BLNK: variants seen among roughly 807,000 people sequenced by gnomAD.
BLNK encodes B-cell linker protein.
In BLNK, 29 loss-of-function variants were observed where a neutral mutation model predicts 73.5. That is an observed-to-expected ratio of 0.39 (90% CI 0.29 to 0.54). The LOEUF is 0.54. Among genes scored for constraint, BLNK ranks in the 20% least tolerant of loss-of-function variants. The pLI is 0.61. For synonymous variants in BLNK, 176 were observed against 200.8 expected (o/e 0.88, Z 1.04); for missense variants, 460 against 562.8 (o/e 0.82, Z 1.85).
intron 6 of BLNK, among the ~76,000 whole-genome samples, chr10:96,221,868 G>A (rs1347490991): frequency 6.6e-6 from 1 of 152,078 alleles, no homozygotes; most frequent in Non-Finnish European, 1.5e-5. Flanking sequence ...GTGTGTGCAG[G>A]GTGAGGGTGT....
At chr10:96,201,456 G>A (rs903378134) in intron 13 of BLNK, among the ~76,000 whole-genome samples, 12 of 152,040 alleles carry the variant, frequency 7.9e-5, no homozygotes, top group African/African-American at 2.9e-4. Context: ...GGAAAATATA[G>A]TTATTTTTCA....
rs2083299949 is a variant in BLNK at position 96,189,741 on chromosome 10, A to G, written c.*2232T>C. On this transcript the variant is annotated 3_prime_UTR_variant, in exon 17 of 17. Transcript: ENST00000224337. Reference sequence around the variant, plus strand: ...CATCATCATCATCATCATCTTCATCAGCAGCAAGTTTTACTTTTATTCTCT... The same window carrying G: ...CATCATCATCATCATCATCTTCATCGGCAGCAAGTTTTACTTTTATTCTCT... 5.5e-6 allele frequency: 4 copies of G among 728,568 alleles called. No homozygotes were observed. In the African/African-American group the frequency reaches 7.0e-5, roughly 13 times the overall value. The allele number at this position is 728,568 out of a possible 1,614,324, so 45.1% of individuals were successfully genotyped here.
intron 3 of BLNK, among the ~76,000 whole-genome samples, chr10:96,236,958 C>A (rs1212462007): frequency 6.6e-6 from 1 of 152,242 alleles, no homozygotes; most frequent in Non-Finnish European, 1.5e-5. Context: ...TCAGCCATCA[C>A]CTCACTGCAT....
rs1250807850 is a variant in BLNK, at chr10:96,190,435, T to G, written c.*1538A>C. ...CCACCCTACTGACCTCATCTTACCT[T>G]GACTATATCTGTAAAGACCTCATTC... On this transcript the variant is annotated 3_prime_UTR_variant, in exon 17 of 17. Transcript: ENST00000224337. Among the ~76,000 whole-genome samples, 5 of 152,300 alleles carry G rather than the reference T, an allele frequency of 3.3e-5. 1 individual carries two copies. Among genetic ancestry groups the G allele is most frequent in the African/African-American group, 1.2e-4 (5 of 41,574 alleles).
chr10:96,203,603 G>T (rs2083711829), intron 13 of BLNK: 1 of 152,858 alleles, frequency 6.5e-6, no homozygotes, highest in Non-Finnish European at 1.5e-5. Flanking sequence ...AAATTATCCA[G>T]ATATTTGCCG....
intron 11 of BLNK, chr10:96,204,916 G>T (rs1441392554): frequency 1.3e-5 from 5 of 371,910 alleles, no homozygotes; most frequent in African/African-American, 1.0e-4. Flanking sequence ...TGTGAGTATA[G>T]GTGGAAGCCA....
chr10:96,198,987 C>T (rs1160336269), intron 15 of BLNK, among the ~76,000 whole-genome samples: 1 of 152,220 alleles, frequency 6.6e-6, no homozygotes, highest in African/African-American at 2.4e-5. Flanking sequence ...GCATAAGCCA[C>T]TGCGCCTGGC....
At chr10:96,210,189 CA>C (rs1788362287) in intron 8 of BLNK, 1 of 449,666 alleles carries the variant, frequency 2.2e-6, no homozygotes, top group Admixed American at 3.4e-5. Flanking sequence ...CCCCCTGCCC[CA>C]TGGGGCAAGT....
At chr10:96,246,095 G>T (rs938810082) in intron 2 of BLNK, among the ~76,000 whole-genome samples, 2 of 151,920 alleles carry the variant, frequency 1.3e-5, no homozygotes, top group Non-Finnish European at 2.9e-5. Context: ...GTCTACCTTA[G>T]ATTTTGAGTG....
intron 8 of BLNK, among the ~76,000 whole-genome samples, chr10:96,214,602 G>A (rs1466444162): frequency 3.3e-5 from 5 of 152,166 alleles, no homozygotes; most frequent in Non-Finnish European, 7.4e-5. Context: ...TCTACGCATT[G>A]AGAAACAGGG....
intron 9 of BLNK, 31 bp downstream of exon 9, chr10:96,209,807 T>C: frequency 6.2e-7 from 1 of 1,613,914 alleles, no homozygotes; most frequent in Non-Finnish European, 8.5e-7. Flanking sequence ...TCCCCAGATC[T>C]CAAAAGCTGC....
chr10:96,204,732 G>T, intron 11 of BLNK, 116 bp from the exon 12 acceptor site: 2 of 885,830 alleles, frequency 2.3e-6, no homozygotes, highest in Non-Finnish European at 1.8e-6. Context: ...CCGGGAACAT[G>T]TCTTAGTTAC....
chr10:96,262,547 ATTCT>A (rs1487266087), intron 1 of BLNK, among the ~76,000 whole-genome samples: 1 of 152,216 alleles, frequency 6.6e-6, no homozygotes, highest in Non-Finnish European at 1.5e-5. Flanking sequence ...CATCTGCCTG[ATTCT>A]TTCTTTTCAG....
intron 6 of BLNK, among the ~76,000 whole-genome samples, chr10:96,219,193 G>A (rs2084137594): frequency 1.3e-5 from 2 of 152,186 alleles, no homozygotes; most frequent in Non-Finnish European, 2.9e-5. Context: ...CCAGTACCTG[G>A]CCAGTCGAAT....
At chr10:96,258,989 G>C (rs77753551) in intron 1 of BLNK, among the ~76,000 whole-genome samples, 1 of 152,210 alleles carries the variant, frequency 6.6e-6, no homozygotes, top group Non-Finnish European at 1.5e-5. Context: ...ACTCAGAGAG[G>C]TTAAATAATT....
chr10:96,209,768 A>G (rs1435792834), intron 9 of BLNK, 70 bp downstream of exon 9: 15 of 1,571,564 alleles, frequency 9.5e-6, no homozygotes, highest in East Asian at 2.2e-5. Context: ...AATGAAGTCA[A>G]CAGGGCAGTG....
intron 6 of BLNK, among the ~76,000 whole-genome samples, chr10:96,217,111 T>G (rs1389448717): frequency 6.6e-6 from 1 of 152,206 alleles, no homozygotes; most frequent in Non-Finnish European, 1.5e-5. Context: ...AGTATAATGT[T>G]TTCAAGGTTT....
chr10:96,193,788 TAGTTA>T (rs1554894040), intron 16 of BLNK, among the ~76,000 whole-genome samples: 1 of 152,204 alleles, frequency 6.6e-6, no homozygotes, highest in East Asian at 1.9e-4. Flanking sequence ...AACAGTTAAA[TAGTTA>T]ATGAATTGGT....
chr10:96,237,966 C>T (rs587599313), intron 3 of BLNK, among the ~76,000 whole-genome samples: 1 of 152,302 alleles, frequency 6.6e-6, no homozygotes, highest in African/African-American at 2.4e-5. Flanking sequence ...TAGCTTAATG[C>T]CCAGAACAGA....
Sources: allele counts gnomAD v4.1 joint callset (sites outside exome capture counted in the v4.1 genomes callset), GRCh38; gene constraint gnomAD v4.1.1; transcripts MANE v1.5; gene names NCBI Gene and HGNC (gene_info 2026-07-23, HGNC 2026-07-21).